EGFLAM: variants seen among roughly 807,000 people sequenced by gnomAD.
EGFLAM encodes the protein EGF like, fibronectin type III and laminin G domains.
In EGFLAM, 79 loss-of-function variants were observed where a neutral mutation model predicts 113.1. The observed-to-expected ratio is 0.70, with a 90% CI of 0.58 to 0.84. The LOEUF (loss-of-function observed/expected upper bound fraction) is 0.84. Among genes scored for constraint, EGFLAM ranks in the 40% least tolerant of loss-of-function variants. The pLI, the probability that EGFLAM is intolerant of heterozygous loss-of-function variation, is 0.00. For synonymous variants in EGFLAM, 504 were observed against 487.6 expected, an observed-to-expected ratio of 1.03 and a Z score of -0.44; for missense variants, 1,265 against 1,291.6, an observed-to-expected ratio of 0.98 and a Z score of 0.32.
At chr5:38,411,478 A>G (rs1013262628) in intron 10 of EGFLAM, among the ~76,000 whole-genome samples, 7 of 146,322 alleles carry the variant, frequency 4.8e-5, no homozygotes, top group African/African-American at 1.8e-4. Context: ...ACCTTTCATT[A>G]ATTTCTTTTT....
At chr5:38,384,420 A>G (rs938079977) in intron 6 of EGFLAM, among the ~76,000 whole-genome samples, 2 of 152,038 alleles carry the variant, frequency 1.3e-5, no homozygotes, top group African/African-American at 4.8e-5. Flanking sequence ...ATTCTCACCC[A>G]TATTCTGTTG....
chr5:38,328,620 T>C (rs1738950020), intron 1 of EGFLAM, among the ~76,000 whole-genome samples: 1 of 152,212 alleles, frequency 6.6e-6, no homozygotes, highest in Admixed American at 6.5e-5. Flanking sequence ...TTTAATATTT[T>C]CGTTAATTTA....
At chr5:38,390,165 A>G (rs1335872334) in intron 6 of EGFLAM, among the ~76,000 whole-genome samples, 1 of 152,100 alleles carries the variant, frequency 6.6e-6, no homozygotes, top group Non-Finnish European at 1.5e-5. Context: ...GGTATTTATG[A>G]TTCCCCCCAT....
intron 6 of EGFLAM, among the ~76,000 whole-genome samples, chr5:38,396,036 G>T (rs1482998872): frequency 1.0e-5 from 1 of 100,430 alleles, no homozygotes; most frequent in Non-Finnish European, 2.1e-5. Flanking sequence ...TAGAGTTGTT[G>T]TGTTCACATT....
intron 4 of EGFLAM, 87 bp from the exon 5 acceptor site, chr5:38,352,109 T>C (rs1018446171): frequency 1.9e-6 from 3 of 1,574,858 alleles, no homozygotes; most frequent in Admixed American, 3.6e-5. Flanking sequence ...ACGTCTCCAA[T>C]GGCTGAGACC....
intron 13 of EGFLAM, among the ~76,000 whole-genome samples, chr5:38,425,805 T>TTATC (rs2112187280): frequency 6.6e-6 from 1 of 152,336 alleles, no homozygotes; most frequent in East Asian, 1.9e-4. Flanking sequence ...TCATGCTCTT[T>TTATC]AGAATTTCTG....
At chr5:38,401,138 T>C (rs1741101044) in intron 6 of EGFLAM, 1 of 152,164 alleles carries the variant, frequency 6.6e-6, no homozygotes, top group Non-Finnish European at 1.5e-5. Flanking sequence ...TTATTTCCAT[T>C]CTCATTATGG....
At chr5:38,391,792 T>A (rs1406873907) in intron 6 of EGFLAM, among the ~76,000 whole-genome samples, 2 of 152,030 alleles carry the variant, frequency 1.3e-5, no homozygotes, top group African/African-American at 4.8e-5. Flanking sequence ...TTTCTTTTTT[T>A]TGCAGACACA....
At chr5:38,350,266 G>T (rs1270465158) in intron 3 of EGFLAM, among the ~76,000 whole-genome samples, 2 of 152,140 alleles carry the variant, frequency 1.3e-5, no homozygotes, top group Non-Finnish European at 2.9e-5. Context: ...AATGTATCTA[G>T]TTCTAGGACC....
intron 1 of EGFLAM, among the ~76,000 whole-genome samples, chr5:38,286,755 G>A (rs1025951641): frequency 6.6e-5 from 10 of 152,212 alleles, no homozygotes; most frequent in Admixed American, 2.6e-4. Flanking sequence ...CTTTGCCATC[G>A]GCACCATCTT....
chr5:38,375,118 A>T (rs1579838173), intron 6 of EGFLAM, among the ~76,000 whole-genome samples: 2 of 70,158 alleles, frequency 2.9e-5, no homozygotes, highest in African/African-American at 6.1e-5. Context: ...CCATTTGTCT[A>T]TTTTTGTTCT....
At chr5:38,427,607 C>T (rs965176318) in intron 14 of EGFLAM, among the ~76,000 whole-genome samples, 1 of 152,214 alleles carries the variant, frequency 6.6e-6, no homozygotes, top group African/African-American at 2.4e-5. Context: ...TAGTCAGCAT[C>T]TCATACAGAG....
chr5:38,361,958 G>A (rs918520374), intron 5 of EGFLAM, among the ~76,000 whole-genome samples: 3 of 151,486 alleles, frequency 2.0e-5, no homozygotes, highest in Admixed American at 6.6e-5. Context: ...TCACACTAGC[G>A]GTTACTTATT....
chr5:38,435,010 A>T (rs1252922898), intron 15 of EGFLAM, 127 bp from the exon 16 acceptor site: 1 of 709,600 alleles, frequency 1.4e-6, no homozygotes, highest in Non-Finnish European at 2.4e-6. Flanking sequence ...GTGTAGACAG[A>T]TTGTCATGAT....
intron 6 of EGFLAM, among the ~76,000 whole-genome samples, chr5:38,391,052 A>T (rs1295226949): frequency 7.2e-5 from 11 of 152,122 alleles, no homozygotes; most frequent in Admixed American, 7.2e-4. Context: ...CTGGCTAAAA[A>T]CAACTTCTTT....
chr5:38,319,808 C>G (rs956295075), intron 1 of EGFLAM, among the ~76,000 whole-genome samples: 1 of 152,194 alleles, frequency 6.6e-6, no homozygotes, highest in Non-Finnish European at 1.5e-5. Context: ...GGTGAGATCA[C>G]CTGGCAGAAA....
intron 15 of EGFLAM, among the ~76,000 whole-genome samples, chr5:38,431,847 A>G (rs1742200444): frequency 6.6e-6 from 1 of 152,224 alleles, no homozygotes; most frequent in South Asian, 2.1e-4. Context: ...GAGAATTAAA[A>G]GAATTGTACA....
chr5:38,420,115 T>C (rs1360912026), intron 12 of EGFLAM, among the ~76,000 whole-genome samples: 1 of 152,190 alleles, frequency 6.6e-6, no homozygotes, highest in Admixed American at 6.5e-5. Context: ...ACACAGCTAG[T>C]AAGTGGTAGA....
At chr5:38,409,907 T>C (rs1179784485) in intron 10 of EGFLAM, among the ~76,000 whole-genome samples, 1 of 152,130 alleles carries the variant, frequency 6.6e-6, no homozygotes, top group East Asian at 1.9e-4. Flanking sequence ...TTAATGAGTC[T>C]TGTGGAGGTG....
Sources: allele counts gnomAD v4.1 joint callset (sites outside exome capture counted in the v4.1 genomes callset), GRCh38; gene constraint gnomAD v4.1.1; transcripts MANE v1.5; gene names NCBI Gene and HGNC (gene_info 2026-07-23, HGNC 2026-07-21).